Variants in RSU1 observed in about 807,000 individuals in gnomAD.
The protein encoded by RSU1 is Ras suppressor protein 1.
RSU1 carries 26 observed loss-of-function variants against 31.1 expected under a neutral mutation model. The observed-to-expected ratio is 0.84, with a 90% CI of 0.61 to 1.16. The LOEUF (loss-of-function observed/expected upper bound fraction) is 1.16, where lower values mean the gene tolerates loss of function less well. Among genes scored for constraint, RSU1 ranks in the 50% most tolerant of loss-of-function variants. The probability of loss-of-function intolerance (pLI) is 0.00; values close to 1 mark genes in which losing one functional copy is unlikely to be tolerated. For synonymous variants in RSU1, 164 were observed against 136.3 expected, an observed-to-expected ratio of 1.20 and a Z score of -1.41; for missense variants, 320 against 339.1, an observed-to-expected ratio of 0.94 and a Z score of 0.44.
At chr10:16,679,720 CT>C (rs1182064732) in intron 8 of RSU1, among the ~76,000 whole-genome samples, 1 of 152,090 alleles carries the variant, frequency 6.6e-6, no homozygotes, top group Non-Finnish European at 1.5e-5. Flanking sequence ...CCCAGCAGCT[CT>C]GTCTGAAGGC....
chr10:16,800,263 T>C (rs1838124759), intron 2 of RSU1, among the ~76,000 whole-genome samples: 1 of 152,194 alleles, frequency 6.6e-6, no homozygotes, highest in Non-Finnish European at 1.5e-5. Flanking sequence ...CACTCGGATA[T>C]GGCAGATATT....
At chr10:16,722,456 AAG>A (rs1836286269) in intron 7 of RSU1, among the ~76,000 whole-genome samples, 1 of 152,210 alleles carries the variant, frequency 6.6e-6, no homozygotes, top group Non-Finnish European at 1.5e-5. Context: ...CACAGAATTC[AAG>A]AGGAGTGGAG....
intron 8 of RSU1, among the ~76,000 whole-genome samples, chr10:16,669,371 T>C (rs888286218): frequency 4.9e-4 from 70 of 143,462 alleles, no homozygotes; most frequent in African/African-American, 1.7e-3. Flanking sequence ...TTCTGTTTTT[T>C]TTCCCCCCCC....
intron 8 of RSU1, among the ~76,000 whole-genome samples, chr10:16,625,382 T>A (rs1194506457): frequency 6.6e-6 from 1 of 152,196 alleles, no homozygotes; most frequent in Non-Finnish European, 1.5e-5. Context: ...CAGTGGGGAC[T>A]TTTTAAACTA....
At chr10:16,685,427 T>G (rs531385677) in intron 8 of RSU1, among the ~76,000 whole-genome samples, 12 of 152,318 alleles carry the variant, frequency 7.9e-5, no homozygotes, top group African/African-American at 2.9e-4. Flanking sequence ...CAATGGCTAC[T>G]CCACAGACAG....
intron 7 of RSU1, among the ~76,000 whole-genome samples, chr10:16,700,123 G>A (rs1835759187): frequency 2.0e-5 from 3 of 152,084 alleles, no homozygotes; most frequent in African/African-American, 7.2e-5. Flanking sequence ...TTCTTCCTGA[G>A]TATTCAAAAT....
At chr10:16,727,161 T>C (rs1402384687) in intron 7 of RSU1, 3 of 456,490 alleles carry the variant, frequency 6.6e-6, no homozygotes, top group Non-Finnish European at 1.3e-5. Context: ...ATCTTACCTA[T>C]AGTGACAGGA....
chr10:16,812,841 T>C (rs956141416), intron 2 of RSU1, among the ~76,000 whole-genome samples: 4 of 152,124 alleles, frequency 2.6e-5, no homozygotes, highest in African/African-American at 9.7e-5. Flanking sequence ...TCTGTCTCTA[T>C]GGAAATGGAA....
At chr10:16,596,895 G>A (rs1418047653) in intron 8 of RSU1, among the ~76,000 whole-genome samples, 1 of 152,004 alleles carries the variant, frequency 6.6e-6, no homozygotes, top group East Asian at 1.9e-4. Context: ...CCTAATTTTT[G>A]TATTTTTAGT....
At chr10:16,619,141 G>C (rs1834028773) in intron 8 of RSU1, among the ~76,000 whole-genome samples, 1 of 152,192 alleles carries the variant, frequency 6.6e-6, no homozygotes, top group South Asian at 2.1e-4. Flanking sequence ...CTACTATGAA[G>C]TGCTAAGAAA....
At chr10:16,700,152 C>T (rs953254907) in intron 7 of RSU1, among the ~76,000 whole-genome samples, 7 of 152,104 alleles carry the variant, frequency 4.6e-5, no homozygotes, top group South Asian at 2.1e-4. Context: ...ATGTGGCTAG[C>T]GGCACCATTT....
At chr10:16,673,536 A>G (rs1835160431) in intron 8 of RSU1, among the ~76,000 whole-genome samples, 1 of 152,252 alleles carries the variant, frequency 6.6e-6, no homozygotes, top group Non-Finnish European at 1.5e-5. Context: ...TTAAGCTCAA[A>G]TGGAGAAGCC....
intron 7 of RSU1, among the ~76,000 whole-genome samples, chr10:16,711,062 A>T (rs181672308): frequency 6.6e-6 from 1 of 152,118 alleles, no homozygotes; most frequent in Non-Finnish European, 1.5e-5. Context: ...TCTATCCAGG[A>T]AAGACTTTTT....
chr10:16,661,283 AGTGCGTGTGT>A (rs1456980913), intron 8 of RSU1, among the ~76,000 whole-genome samples: 1,483 of 115,922 alleles, frequency 0.013, 20 homozygotes, highest in African/African-American at 0.043. Context: ...ATATGTAGAG[AGTGCGTGTGT>A]GTGTGTGTGT....
At chr10:16,704,842 C>A (rs1835862589) in intron 7 of RSU1, among the ~76,000 whole-genome samples, 1 of 151,826 alleles carries the variant, frequency 6.6e-6, no homozygotes, top group Non-Finnish European at 1.5e-5. Context: ...TAATTTTTCC[C>A]CCACTTTTTA....
chr10:16,615,676 A>T (rs1833963440), intron 8 of RSU1, among the ~76,000 whole-genome samples: 1 of 152,070 alleles, frequency 6.6e-6, no homozygotes, highest in East Asian at 1.9e-4. Flanking sequence ...AAATCGTAAC[A>T]GTCTGTCAGA....
In RSU1 at chr10:16,764,543, G is replaced by C. The variant is rs1450272335; in HGVS notation, c.161-33C>G. 3.1e-6 allele frequency: 5 copies of C among 1,598,566 alleles called. No homozygotes were observed. The East Asian group carries it at 9.0e-5, about 29-fold the overall frequency. On this transcript the variant is annotated intron_variant, in intron 3 of 8. Transcript: ENST00000345264. Reference sequence around the variant, plus strand: ...AACAAAAATGCTGAGTGTGAATCTGGGAATGGAACTCCTAGCAAGGGATGG... The same window carrying C: ...AACAAAAATGCTGAGTGTGAATCTGCGAATGGAACTCCTAGCAAGGGATGG...
chr10:16,670,721 T>C (rs760316311), intron 8 of RSU1, among the ~76,000 whole-genome samples: 1 of 152,198 alleles, frequency 6.6e-6, no homozygotes. Flanking sequence ...CTTTTTCTTC[T>C]GGTGTTCCCT....
intron 2 of RSU1, among the ~76,000 whole-genome samples, chr10:16,814,834 T>C (rs1485742357): frequency 3.2e-5 from 3 of 92,622 alleles, no homozygotes; most frequent in Admixed American, 1.0e-4. Flanking sequence ...AGGAAGCAAG[T>C]GGCTTTTCTT....
Sources: allele counts gnomAD v4.1 joint callset (sites outside exome capture counted in the v4.1 genomes callset), GRCh38; gene constraint gnomAD v4.1.1; transcripts MANE v1.5; gene names NCBI Gene and HGNC (gene_info 2026-07-23, HGNC 2026-07-21).